The following CNTN5 variants were observed in gnomAD, a reference collection of about 807,000 sequenced individuals.
CNTN5 encodes contactin 5.
A neutral mutation model predicts 129.1 loss-of-function variants in CNTN5; 77 were observed. The observed-to-expected ratio is 0.60, with a 90% CI of 0.50 to 0.72. CNTN5 has a LOEUF of 0.72. Among genes scored for constraint, CNTN5 ranks in the 30% least tolerant of loss-of-function variants. The pLI, the probability that CNTN5 is intolerant of heterozygous loss-of-function variation, is 0.00. For synonymous variants in CNTN5, 509 were observed against 465.6 expected, an observed-to-expected ratio of 1.09 and a Z score of -1.20; for missense variants, 1,478 against 1,328.8, an observed-to-expected ratio of 1.11 and a Z score of -1.75.
intron 7 of CNTN5, among the ~76,000 whole-genome samples, chr11:99,923,900 G>A (rs1211701031): frequency 6.6e-6 from 1 of 152,052 alleles, no homozygotes; most frequent in Non-Finnish European, 1.5e-5. Flanking sequence ...CGATTCCCCT[G>A]CCTCAGCCTT....
rs547725220 is a variant in CNTN5 at position 99,075,487 on chromosome 11, TAAAAC to T, written c.-210+54221_-210+54225del. Among the ~76,000 whole-genome samples, 110 of 152,254 alleles carry T rather than the reference TAAAAC, an allele frequency of 7.2e-4. 1 individual carries two copies. The highest frequency in any genetic ancestry group is 2.5e-3 in the African/African-American group (104 of 41,562). ...ATCTAAACTTTGAAATAAATGTAGA[TAAAAC>T]AAATCAAAAGAAATGTAAAATTAGA... is the stretch of plus-strand genomic sequence containing the variant. On this transcript the variant is annotated intron_variant, in intron 1 of 24. Transcript: ENST00000524871.
At chr11:99,876,488 C>T (rs1349990943) in intron 6 of CNTN5, among the ~76,000 whole-genome samples, 1 of 152,116 alleles carries the variant, frequency 6.6e-6, no homozygotes, top group East Asian at 1.9e-4. Context: ...CATGATCCAG[C>T]CGCACTATAT....
chr11:99,245,484 AT>A (rs573740989), intron 1 of CNTN5, among the ~76,000 whole-genome samples: 2 of 151,636 alleles, frequency 1.3e-5, no homozygotes, highest in Non-Finnish European at 2.9e-5. Flanking sequence ...TGCCCGGCTA[AT>A]TTTTTTTGTA....
intron 3 of CNTN5, among the ~76,000 whole-genome samples, chr11:99,622,764 A>G (rs780695798): frequency 1.1e-4 from 16 of 152,084 alleles, no homozygotes; most frequent in Non-Finnish European, 1.9e-4. Flanking sequence ...GAAAGGTTAT[A>G]CACATGACTT....
intron 6 of CNTN5, among the ~76,000 whole-genome samples, chr11:99,852,696 C>T (rs1565606159): frequency 1.3e-5 from 2 of 152,122 alleles, no homozygotes; most frequent in Non-Finnish European, 2.9e-5. Context: ...ATTTTCCTGG[C>T]TTGGCACAGG....
intron 2 of CNTN5, among the ~76,000 whole-genome samples, chr11:99,516,413 A>G (rs1019383782): frequency 2.6e-5 from 4 of 152,184 alleles, no homozygotes; most frequent in African/African-American, 9.6e-5. Context: ...ATAGACTAGA[A>G]TTAGTCTCTG....
intron 13 of CNTN5, among the ~76,000 whole-genome samples, chr11:100,125,920 T>C (rs1238730037): frequency 6.6e-6 from 1 of 152,102 alleles, no homozygotes; most frequent in Non-Finnish European, 1.5e-5. Flanking sequence ...GAGCTTTCTA[T>C]TTTTTGAGGT....
chr11:99,710,392 A>G (rs539614241), intron 3 of CNTN5, among the ~76,000 whole-genome samples: 6 of 151,972 alleles, frequency 3.9e-5, no homozygotes, highest in East Asian at 3.9e-4. Context: ...TACTACAGCC[A>G]TACTGTTGTA....
chr11:99,528,677 T>A (rs1731020133), intron 2 of CNTN5, among the ~76,000 whole-genome samples: 2 of 152,178 alleles, frequency 1.3e-5, no homozygotes, highest in Admixed American at 6.5e-5. Context: ...TAATTCTCAT[T>A]TGTAGGCTGA....
At chr11:100,235,201 A>C (rs1461129332) in intron 16 of CNTN5, among the ~76,000 whole-genome samples, 1 of 152,246 alleles carries the variant, frequency 6.6e-6, no homozygotes, top group Non-Finnish European at 1.5e-5. Flanking sequence ...TATATTTTGT[A>C]CAGACACATC....
At chr11:99,455,071 AC>A (rs1304830314) in intron 2 of CNTN5, among the ~76,000 whole-genome samples, 1 of 152,160 alleles carries the variant, frequency 6.6e-6, no homozygotes, top group Non-Finnish European at 1.5e-5. Context: ...TAGGCCAGTA[AC>A]CTGAAAGGTG....
chr11:99,654,898 A>T (rs954702728), intron 3 of CNTN5, among the ~76,000 whole-genome samples: 2 of 152,040 alleles, frequency 1.3e-5, no homozygotes, highest in Admixed American at 6.6e-5. Flanking sequence ...GCAGCAGAAA[A>T]AAAGGTTTAA....
At chr11:99,557,850 A>G (rs1398545211) in intron 3 of CNTN5, among the ~76,000 whole-genome samples, 7 of 151,758 alleles carry the variant, frequency 4.6e-5, no homozygotes, top group Admixed American at 4.6e-4. Context: ...GTTGAATGTA[A>G]TATCTGCAGC....
At chr11:99,787,050 G>A (rs1489716329) in intron 3 of CNTN5, among the ~76,000 whole-genome samples, 2 of 151,568 alleles carry the variant, frequency 1.3e-5, no homozygotes, top group East Asian at 1.9e-4. Flanking sequence ...AATTTTAAAT[G>A]TATGGAATGA....
intron 9 of CNTN5, among the ~76,000 whole-genome samples, chr11:100,007,806 A>T (rs1184074438): frequency 1.3e-5 from 2 of 151,742 alleles, no homozygotes; most frequent in African/African-American, 4.8e-5. Context: ...TTTCATTCAC[A>T]AGTCGGCTAA....
chr11:99,598,817 T>C (rs1202759073), intron 3 of CNTN5, among the ~76,000 whole-genome samples: 1 of 152,138 alleles, frequency 6.6e-6, no homozygotes, highest in South Asian at 2.1e-4. Flanking sequence ...TAGGGAATAA[T>C]TTATATTTTA....
intron 2 of CNTN5, among the ~76,000 whole-genome samples, chr11:99,404,375 C>T (rs1941976431): frequency 6.6e-6 from 1 of 151,698 alleles, no homozygotes. Flanking sequence ...TAAGGACCTA[C>T]TCCTACAATT....
intron 1 of CNTN5, among the ~76,000 whole-genome samples, chr11:99,174,297 G>A (rs950097474): frequency 1.3e-5 from 2 of 152,024 alleles, no homozygotes; most frequent in Admixed American, 6.6e-5. Flanking sequence ...TACGCCCAGC[G>A]AGAATGACTT....
At chr11:100,004,964 G>C (rs924204770) in intron 9 of CNTN5, among the ~76,000 whole-genome samples, 2 of 152,098 alleles carry the variant, frequency 1.3e-5, no homozygotes, top group African/African-American at 4.8e-5. Context: ...ACAAGCCTGC[G>C]GATGCAATTG....
Sources: allele counts gnomAD v4.1 joint callset (sites outside exome capture counted in the v4.1 genomes callset), GRCh38; gene constraint gnomAD v4.1.1; transcripts MANE v1.5; gene names NCBI Gene and HGNC (gene_info 2026-07-23, HGNC 2026-07-21).